The following MYOF variants were observed in gnomAD, a reference collection of about 807,000 sequenced individuals.
MYOF encodes the protein myoferlin, also known as fer-1-like 3, myoferlin.
A neutral mutation model predicts 284.2 loss-of-function variants in MYOF; 244 were observed. The ratio of observed to expected loss-of-function variants is 0.86; its 90% CI spans 0.77 to 0.95. The LOEUF (loss-of-function observed/expected upper bound fraction) is 0.95. Among genes scored for constraint, MYOF ranks in the 40% least tolerant of loss-of-function variants. The pLI is 0.00. For missense variants in MYOF, 2,496 were observed against 2,560.6 expected, an observed-to-expected ratio of 0.97 and a Z score of 0.54; for synonymous variants, 904 against 919.7, an observed-to-expected ratio of 0.98 and a Z score of 0.31.
intron 35 of MYOF, among the ~76,000 whole-genome samples, chr10:93,350,371 G>T (rs1844448808): frequency 6.6e-6 from 1 of 151,808 alleles, no homozygotes; most frequent in Non-Finnish European, 1.5e-5. Flanking sequence ...GGGGTACAGT[G>T]GCACGAACTA....
Position 93,351,851 on chromosome 10 carries a change from A to G in MYOF, c.3482-5T>C, listed in dbSNP as rs773606315. The G allele has an allele frequency of 1.9e-6, 3 of 1,579,386 alleles. No homozygotes were observed. Among genetic ancestry groups the G allele is most frequent in the Non-Finnish European group, 2.6e-6 (3 of 1,172,170 alleles). Reference sequence around the variant, plus strand: ...AACAGATATGAGCATATGGATCTAAAACAGAAAAAGAGAATAACAACGGGG... The same window carrying G: ...AACAGATATGAGCATATGGATCTAAGACAGAAAAAGAGAATAACAACGGGG... On this transcript the variant is annotated splice_region_variant and splice_polypyrimidine_tract_variant and intron_variant, in intron 32 of 53. Coordinates refer to ENST00000359263, the MANE Select transcript of MYOF (RefSeq NM_013451.4).
At chr10:93,322,252 ATC>A in intron 48 of MYOF, among the ~76,000 whole-genome samples, 1 of 152,206 alleles carries the variant, frequency 6.6e-6, no homozygotes, top group Non-Finnish European at 1.5e-5. Context: ...CGCAAGTCTT[ATC>A]TTTCATGTAT....
At chr10:93,331,824 T>A (rs550652406) in intron 43 of MYOF, among the ~76,000 whole-genome samples, 27 of 151,964 alleles carry the variant, frequency 1.8e-4, no homozygotes, top group Non-Finnish European at 3.8e-4. Context: ...ATGGGCAAGA[T>A]AATAAAGCCA....
intron 1 of MYOF, among the ~76,000 whole-genome samples, chr10:93,477,805 C>G (rs2057296951): frequency 6.6e-6 from 1 of 152,168 alleles, no homozygotes; most frequent in Non-Finnish European, 1.5e-5. Flanking sequence ...CGAGATCATA[C>G]CATTGCACTC....
In MYOF at chr10:93,329,736, G is replaced by A. The variant is rs1012189805; in HGVS notation, c.4910C>T (p.Thr1637Ile). 2 of 1,614,216 alleles carry A rather than the reference G, an allele frequency of 1.2e-6. No individual in the cohort carries two copies. The highest frequency in any genetic ancestry group is 1.1e-5 in the South Asian group (1 of 91,090). Residue 1637 changes from threonine (T) to isoleucine (I), a missense_variant, in exon 44 of 54, where the codon ACA becomes ATA. Around this residue, in one of 3 missense-constraint regions of MYOF, gnomAD observed 2,436 missense variants for 2,480.7 expected, o/e 0.98. Transcript: ENST00000359263. ...TFTRDEKVGETIIDLENRFLS... is the reference protein window; with the variant it reads ...TFTRDEKVGEIIIDLENRFLS... Reference sequence around the variant, plus strand: ...GAATCGGTTTTCCAGATCAATAATTGTTTCTCCTACTTTTTCATCCCGGGT... The same window carrying A: ...GAATCGGTTTTCCAGATCAATAATTATTTCTCCTACTTTTTCATCCCGGGT...
chr10:93,447,244 T>A (rs1040861062), intron 3 of MYOF, among the ~76,000 whole-genome samples: 1 of 152,160 alleles, frequency 6.6e-6, no homozygotes, highest in Non-Finnish European at 1.5e-5. Context: ...CCTGATTGTC[T>A]CTCTTAGCTG....
intron 5 of MYOF, among the ~76,000 whole-genome samples, chr10:93,416,496 C>T (rs1299012426): frequency 6.6e-6 from 1 of 151,952 alleles, no homozygotes; most frequent in Admixed American, 6.6e-5. Context: ...GCACTCCAGC[C>T]TCGGCAACAG....
intron 24 of MYOF, among the ~76,000 whole-genome samples, chr10:93,372,038 AT>A (rs757607334): frequency 2.0e-5 from 3 of 152,202 alleles, no homozygotes; most frequent in Non-Finnish European, 4.4e-5. Flanking sequence ...AAAGAAGATA[AT>A]CACTCTGATT....
At chr10:93,364,428 A>G (rs1050672300) in intron 26 of MYOF, among the ~76,000 whole-genome samples, 1 of 152,218 alleles carries the variant, frequency 6.6e-6, no homozygotes, top group Non-Finnish European at 1.5e-5. Flanking sequence ...CGGGCTGCTC[A>G]GCTTTATCTC....
intron 26 of MYOF, 98 bp from the exon 27 acceptor site, chr10:93,364,173 G>T: frequency 1.1e-6 from 1 of 920,572 alleles, no homozygotes. Context: ...CCTGGGAGTG[G>T]CACCACTTCC....
At chr10:93,316,853 A>C (rs1000370348) in intron 49 of MYOF, 40 bp from the exon 50 acceptor site, 2 of 1,544,130 alleles carry the variant, frequency 1.3e-6, no homozygotes, top group Non-Finnish European at 1.8e-6. Flanking sequence ...ACTCTGAAAC[A>C]CTCACCTTTG....
At chr10:93,466,551 C>T (rs775991336) in intron 1 of MYOF, among the ~76,000 whole-genome samples, 10 of 152,142 alleles carry the variant, frequency 6.6e-5, no homozygotes, top group African/African-American at 9.7e-5. Flanking sequence ...GATGCTGGGG[C>T]GTGGTCATGT....
intron 9 of MYOF, among the ~76,000 whole-genome samples, chr10:93,403,229 A>G (rs1179449639): frequency 2.0e-5 from 3 of 152,234 alleles, no homozygotes; most frequent in East Asian, 1.9e-4. Context: ...TCCTACAGAA[A>G]TTCACCTGGC....
At chr10:93,444,571 A>G (rs2056373405) in intron 3 of MYOF, among the ~76,000 whole-genome samples, 1 of 152,234 alleles carries the variant, frequency 6.6e-6, no homozygotes, top group African/African-American at 2.4e-5. Flanking sequence ...AAACAGAGTA[A>G]TAAGATAAAG....
Position 93,401,480 on chromosome 10 carries a change from C to A in MYOF, c.1055G>T (p.Gly352Val). The change falls in exon 12 of 54, where the codon GGC becomes GTC. Residue 352 changes from glycine to valine, a missense_variant. Around this residue, in one of 3 missense-constraint regions of MYOF, gnomAD observed 2,436 missense variants for 2,480.7 expected, o/e 0.98. Coordinates refer to ENST00000359263, the MANE Select transcript of MYOF (RefSeq NM_013451.4). ...GAAGGTCACCCACCGGAGGGCAATGCCAGCAGGGAGTAACAAATTACTCTC... is the reference window on the plus strand; with the variant it reads ...GAAGGTCACCCACCGGAGGGCAATGACAGCAGGGAGTAACAAATTACTCTC... ...DVESNLLLPAGIALRWVTFLL... is the reference protein window; with the variant it reads ...DVESNLLLPAVIALRWVTFLL... The A allele has an allele frequency of 6.2e-7, 1 of 1,614,144 alleles. No homozygotes were observed. Among genetic ancestry groups the A allele is most frequent in the African/African-American group, 1.3e-5 (1 of 75,028 alleles).
At chr10:93,437,183 AT>A (rs1395567313) in intron 3 of MYOF, among the ~76,000 whole-genome samples, 1 of 152,160 alleles carries the variant, frequency 6.6e-6, no homozygotes, top group African/African-American at 2.4e-5. Flanking sequence ...AGATGTTATG[AT>A]TGGGGGAATG....
chr10:93,322,991 AT>A, intron 48 of MYOF, 86 bp downstream of exon 48: 1 of 1,301,328 alleles, frequency 7.7e-7, no homozygotes, highest in Non-Finnish European at 1.1e-6. Flanking sequence ...CAAGAATCCT[AT>A]CTTGGGCATA....
intron 50 of MYOF, among the ~76,000 whole-genome samples, chr10:93,316,074 A>G (rs1023494599): frequency 6.6e-6 from 1 of 151,978 alleles, no homozygotes; most frequent in African/African-American, 2.4e-5. Flanking sequence ...GCAGTGAGCT[A>G]TGATCGTGCC....
chr10:93,425,103 CA>C (rs1203360193), intron 5 of MYOF, among the ~76,000 whole-genome samples: 1 of 151,822 alleles, frequency 6.6e-6, no homozygotes, highest in East Asian at 1.9e-4. Context: ...CACACCTGGC[CA>C]ATTTTTTTGA....
Sources: gnomAD v4.1 joint callset for allele counts (sites outside exome capture counted in the v4.1 genomes callset) on GRCh38, gnomAD v4.1.1 for gene constraint, gnomAD v4.1.1 regional missense constraint, MANE v1.5 for transcripts, NCBI Gene and HGNC (gene_info 2026-07-23, HGNC 2026-07-21) for gene names.